SRPK2: variants seen among roughly 807,000 people sequenced by gnomAD.
SRPK2 encodes the protein SFRS protein kinase 2.
In SRPK2, 21 loss-of-function variants were observed where a neutral mutation model predicts 90.8. The ratio of observed to expected loss-of-function variants is 0.23; its 90% CI spans 0.16 to 0.33. SRPK2 has a LOEUF of 0.33. Among genes scored for constraint, SRPK2 ranks in the 10% least tolerant of loss-of-function variants. The pLI is 1.00. For missense variants in SRPK2, 620 were observed against 869.0 expected (o/e 0.71, Z 3.60); for synonymous variants, 288 against 311.1 (o/e 0.93, Z 0.78).
chr7:105,161,947 T>C (rs1301697155), intron 6 of SRPK2, among the ~76,000 whole-genome samples: 1 of 152,180 alleles, frequency 6.6e-6, no homozygotes, highest in East Asian at 1.9e-4. Context: ...AGGGTCTCAC[T>C]ACGCTGTGCC....
At chr7:105,361,906 A>G (rs1397692983) in intron 2 of SRPK2, among the ~76,000 whole-genome samples, 2 of 152,200 alleles carry the variant, frequency 1.3e-5, no homozygotes, top group African/African-American at 4.8e-5. Flanking sequence ...CATTCAGGAC[A>G]TAGGCATGGG....
At chr7:105,363,042 T>C (rs1382830176) in intron 2 of SRPK2, among the ~76,000 whole-genome samples, 3 of 146,504 alleles carry the variant, frequency 2.0e-5, no homozygotes, top group Non-Finnish European at 3.0e-5. Flanking sequence ...TGTCGTGGGG[T>C]GGGGGGAGAG....
intron 2 of SRPK2, among the ~76,000 whole-genome samples, chr7:105,214,211 G>A (rs533212876): frequency 1.3e-5 from 2 of 152,146 alleles, no homozygotes; most frequent in Non-Finnish European, 2.9e-5. Context: ...AGATGCTGTA[G>A]CACTGCTCTA....
At chr7:105,384,853 C>T (rs1453610679) in intron 2 of SRPK2, among the ~76,000 whole-genome samples, 1 of 151,954 alleles carries the variant, frequency 6.6e-6, no homozygotes, top group African/African-American at 2.4e-5. Context: ...CTACCCCCAT[C>T]CCCACAATCT....
intron 2 of SRPK2, among the ~76,000 whole-genome samples, chr7:105,253,825 GCAA>G (rs1459862337): frequency 2.0e-5 from 3 of 152,030 alleles, no homozygotes; most frequent in African/African-American, 7.2e-5. Context: ...AATATATTGA[GCAA>G]CCAATCATGA....
chr7:105,157,789 G>A (rs1401557998), intron 7 of SRPK2, among the ~76,000 whole-genome samples: 4 of 152,160 alleles, frequency 2.6e-5, no homozygotes, highest in Non-Finnish European at 4.4e-5. Context: ...GATAACACAC[G>A]CATTGGCCAG....
At chr7:105,288,397 C>G (rs182550907) in intron 2 of SRPK2, among the ~76,000 whole-genome samples, 27 of 152,200 alleles carry the variant, frequency 1.8e-4, no homozygotes, top group Admixed American at 1.6e-3. Flanking sequence ...AGTTTGAGAT[C>G]AGCCTGGCCA....
intron 3 of SRPK2, among the ~76,000 whole-genome samples, chr7:105,174,292 T>C (rs796795432): frequency 1.8e-4 from 28 of 152,272 alleles, no homozygotes; most frequent in African/African-American, 6.3e-4. Flanking sequence ...TTGGGAGACT[T>C]ACTGGCCAAA....
intron 3 of SRPK2, among the ~76,000 whole-genome samples, chr7:105,176,551 GCA>G (rs1791871693): frequency 1.4e-5 from 2 of 144,624 alleles, no homozygotes; most frequent in Admixed American, 1.4e-4. Context: ...ATGTGGTTTT[GCA>G]TATATGTGTG....
At chr7:105,214,535 CTTG>C (rs1352254994) in intron 2 of SRPK2, among the ~76,000 whole-genome samples, 1 of 152,130 alleles carries the variant, frequency 6.6e-6, no homozygotes, top group African/African-American at 2.4e-5. Flanking sequence ...CAATAGGAAA[CTTG>C]TTAATAACAT....
chr7:105,232,446 C>A (rs57423264), intron 2 of SRPK2, among the ~76,000 whole-genome samples: 2 of 129,474 alleles, frequency 1.5e-5, no homozygotes, highest in Non-Finnish European at 1.6e-5. Context: ...GCAACAAGAG[C>A]GAAACCTTAT....
chr7:105,398,645 A>C (rs1354830250), intron 1 of SRPK2, among the ~76,000 whole-genome samples: 1 of 152,308 alleles, frequency 6.6e-6, no homozygotes, highest in East Asian at 1.9e-4. Context: ...CAAGGCTTTT[A>C]AATTCTTTAA....
intron 3 of SRPK2, among the ~76,000 whole-genome samples, chr7:105,183,810 T>C (rs1793210761): frequency 6.6e-6 from 1 of 152,134 alleles, no homozygotes; most frequent in Admixed American, 6.5e-5. Context: ...TAAGAGGCCA[T>C]GTCTAGAGAT....
chr7:105,258,150 G>A (rs1218982457), intron 2 of SRPK2, among the ~76,000 whole-genome samples: 1 of 151,670 alleles, frequency 6.6e-6, no homozygotes, highest in Non-Finnish European at 1.5e-5. Flanking sequence ...CAGGTGCGGT[G>A]GATCACGCCT....
intron 2 of SRPK2, 151 bp downstream of exon 2, chr7:105,388,497 C>G (rs1821921302): frequency 5.8e-6 from 2 of 343,710 alleles, no homozygotes; most frequent in Admixed American, 5.9e-5. Context: ...TCCCCCCGGG[C>G]CGCCCGCCGG....
At chr7:105,244,467 G>C (rs544333569) in intron 2 of SRPK2, among the ~76,000 whole-genome samples, 6 of 152,314 alleles carry the variant, frequency 3.9e-5, no homozygotes. Context: ...CCAGCTACTC[G>C]GGAAGCTGAG....
chr7:105,151,752 G>A (rs1275825790), intron 7 of SRPK2, among the ~76,000 whole-genome samples: 4 of 151,504 alleles, frequency 2.6e-5, no homozygotes, highest in Admixed American at 6.6e-5. Context: ...TGGCTGGCAC[G>A]ATGGCTCACA....
At chr7:105,131,864 C>T (rs1016126644) in intron 13 of SRPK2, among the ~76,000 whole-genome samples, 1 of 151,966 alleles carries the variant, frequency 6.6e-6, no homozygotes, top group African/African-American at 2.4e-5. Context: ...GCATGAAACC[C>T]AACAGCAAGC....
chr7:105,313,146 AT>A (rs879929767), intron 2 of SRPK2, among the ~76,000 whole-genome samples: 713 of 146,616 alleles, frequency 4.9e-3, no homozygotes, highest in African/African-American at 0.01. Context: ...AAAGGTAATG[AT>A]TTTTTTTTTT....
Sources: gnomAD v4.1 joint callset for allele counts (sites outside exome capture counted in the v4.1 genomes callset) on GRCh38, gnomAD v4.1.1 for gene constraint, MANE v1.5 for transcripts, NCBI Gene and HGNC (gene_info 2026-07-23, HGNC 2026-07-21) for gene names.